ATP1A3: variants seen among roughly 807,000 people sequenced by gnomAD.
ATP1A3 encodes the protein sodium/potassium-transporting ATPase subunit alpha-3.
A neutral mutation model predicts 108.8 loss-of-function variants in ATP1A3; 12 were observed. The observed-to-expected ratio is 0.11, with a 90% CI of 0.07 to 0.18. The LOEUF (loss-of-function observed/expected upper bound fraction) is 0.18. Among genes scored for constraint, ATP1A3 ranks in the 10% least tolerant of loss-of-function variants. The pLI is 1.00. For missense variants in ATP1A3, 498 were observed against 1,387.7 expected (o/e 0.36, Z 10.19); for synonymous variants, 539 against 564.5 (o/e 0.95, Z 0.64).
chr19:41,982,400 C>T (rs1178564371), intron 8 of ATP1A3, among the ~76,000 whole-genome samples: 2 of 152,048 alleles, frequency 1.3e-5, no homozygotes, highest in Admixed American at 1.3e-4. Context: ...CCGAGGTAGG[C>T]GCATCACTTG....
At position 41,969,342 on chromosome 19, in the gene ATP1A3, G is replaced by T; in HGVS notation, c.2688+93C>A. ...CCTTGATGCTGCCATGGGAGACTGA[G>T]GGGGCCATCGTAGGAAGTGGCCATG... On this transcript the variant is annotated intron_variant, in intron 19 of 22. Transcript: ENST00000648268. 1.9e-6 allele frequency: 3 copies of T among 1,588,806 alleles called. No homozygotes were observed. The South Asian group carries it at 3.3e-5, about 18-fold the overall frequency.
chr19:41,988,114 T>C lies in ATP1A3; in HGVS notation c.179A>G (p.Glu60Gly). 1 of 1,614,088 alleles carries C rather than the reference T, an allele frequency of 6.2e-7. No individual in the cohort carries two copies. The highest frequency in any genetic ancestry group is 1.1e-5 in the South Asian group (1 of 91,072). The part of the protein sequence containing the change: ...VQGLTHSKAQ[E>G]ILARDGPNAL... ...GTTAGGCCCATCCCGGGCCAGGATCTCCTGGGCTTTGCTGTGGGTCAAACC... is the reference window on the plus strand; with the variant it reads ...GTTAGGCCCATCCCGGGCCAGGATCCCCTGGGCTTTGCTGTGGGTCAAACC... Residue 60 changes from glutamate to glycine, a missense_variant, in exon 4 of 23, where the codon GAG becomes GGG. By Grantham distance (98) the Glu-to-Gly change is moderately conservative (BLOSUM62 -2). Coordinates refer to ENST00000648268, the MANE Select transcript of ATP1A3 (RefSeq NM_152296.5). This position sits in a 1 kb window ranked among gnomAD's most constrained non-coding sequence, Gnocchi z 5.3.
At chr19:41,989,305 T>C (rs1269520133) in intron 1 of ATP1A3, among the ~76,000 whole-genome samples, 1 of 149,242 alleles carries the variant, frequency 6.7e-6, no homozygotes, top group East Asian at 2.0e-4. Context: ...CCAACCTTCC[T>C]ACATATCTGT....
Position 41,966,983 on chromosome 19 carries a change from G to A in ATP1A3, c.3014-18C>T. 6.4e-7 allele frequency: 1 copy of A among 1,551,600 alleles called. No individual in the cohort carries two copies. The highest frequency in any genetic ancestry group is 8.7e-7 in the Non-Finnish European group (1 of 1,146,984). On this transcript the variant is annotated intron_variant, in intron 22 of 22. Transcript: ENST00000648268. Reference sequence around the variant, plus strand: ...CACCCAACCTGGAGAGACAAAGAAGGAAAGAAAGAGACAGAGTAAGAGATG... The same window carrying A: ...CACCCAACCTGGAGAGACAAAGAAGAAAAGAAAGAGACAGAGTAAGAGATG...
rs140213068 is a variant in ATP1A3 at position 41,984,776 on chromosome 19, T to G, written c.993+142A>C. The G allele has an allele frequency of 5.0e-3, 3,199 of 639,182 alleles. 43 individuals are homozygous for G. Among genetic ancestry groups the G allele is most frequent in the African/African-American group, 0.047 (2,146 of 45,548 alleles). The allele number at this position is 639,182 out of a possible 1,614,324, so 39.6% of individuals were successfully genotyped here. A position where few individuals can be genotyped will look rare whatever the true frequency, so the allele number is the denominator to read the frequency against. On this transcript the variant is annotated intron_variant, in intron 8 of 22. Transcript: ENST00000648268. ...ACCCAGGGGTCCAGATCCCAGCCCC[T>G]CCTCCCCCAGACACACGGGTCCAGG...
chr19:41,987,903 G>A (rs1479688189), intron 4 of ATP1A3, 33 bp downstream of exon 4: 28 of 1,608,852 alleles, frequency 1.7e-5, no homozygotes, highest in Non-Finnish European at 2.3e-5. Context: ...TAAATGTGCA[G>A]AGCCTTGCAC....
Position 41,975,792 on chromosome 19 carries a change from T to G in ATP1A3, c.2100A>C (p.Ala700=). 1 of 1,613,962 alleles carries G rather than the reference T, an allele frequency of 6.2e-7. No homozygotes were observed. The highest frequency in any genetic ancestry group is 8.5e-7 in the Non-Finnish European group (1 of 1,179,920). Residue 700 remains alanine (A), a synonymous_variant, in exon 16 of 23, where the codon GCA becomes GCC. Transcript: ENST00000648268. ...CACCATCCCCGGTCACAGCCACAATTGCACCCTGGAGGGAGAGAGGGTAAG... is the reference window on the plus strand; with the variant it reads ...CACCATCCCCGGTCACAGCCACAATGGCACCCTGGAGGGAGAGAGGGTAAG... ...IIVEGCQRQG[A]IVAVTGDGVN... is the part of the protein sequence containing the mutation.
At position 41,985,513 on chromosome 19, in the gene ATP1A3, G is replaced by A. The variant is rs1436102315; in HGVS notation, c.607-90C>T. On this transcript the variant is annotated intron_variant, in intron 6 of 22. Transcript: ENST00000648268. This position sits in a 1 kb window ranked among gnomAD's most constrained non-coding sequence, Gnocchi z 8.2. ...CAGGGCTTGGGGCTGAAGCCTGTGTGCCTGGAGATCACAGCTAGAAGCCTG... is the reference window on the plus strand; with the variant it reads ...CAGGGCTTGGGGCTGAAGCCTGTGTACCTGGAGATCACAGCTAGAAGCCTG... 2 of 1,288,342 alleles carry A rather than the reference G, an allele frequency of 1.6e-6. No homozygotes were observed. The highest frequency in any genetic ancestry group is 3.4e-5 in the Admixed American group (2 of 58,798). The allele number at this position is 1,288,342 out of a possible 1,614,324, so 79.8% of individuals were successfully genotyped here.
At position 41,967,282 on chromosome 19, in the gene ATP1A3, T is replaced by C. The variant is rs1555858834; in HGVS notation, c.2980A>G (p.Ile994Val). 6.2e-7 allele frequency: 1 copy of C among 1,613,746 alleles called. No individual in the cohort carries two copies. Among genetic ancestry groups the C allele is most frequent in the East Asian group, 2.2e-5 (1 of 44,856 alleles). ...YSFLIFVYDE[I>V]RKLILRRNPG... is the part of the protein sequence containing the mutation. ...TTCCTGCGCAGGATGAGTTTGCGGA[T>C]TTCGTCGTAGACGAAGATGAGGAAA... The change falls in exon 22 of 23, where the codon ATC becomes GTC. Residue 994 changes from isoleucine (I) to valine (V), a missense_variant. By Grantham distance (29) the Ile-to-Val change is conservative. This residue lies in a region of ATP1A3 where 29 missense variants were observed against 41.0 expected (regional missense o/e 0.71). Transcript: ENST00000648268. The surrounding 1 kb of genome is among the most constrained non-coding windows in gnomAD (Gnocchi z 4.2).
intron 14 of ATP1A3, 63 bp from the exon 15 acceptor site, chr19:41,976,629 C>T: frequency 5.0e-6 from 8 of 1,606,632 alleles, no homozygotes; most frequent in Non-Finnish European, 5.9e-6. Context: ...AAAGTGATCC[C>T]TGAAAGACAG....
In ATP1A3 at chr19:41,993,480, G is replaced by A. The variant is rs1230353666; in HGVS notation, c.6+591C>T. The A allele has an allele frequency of 6.6e-6, 10 of 1,522,270 alleles. No individual in the cohort carries two copies. The East Asian group carries it at 1.2e-4, about 19-fold the overall frequency. The allele number at this position is 1,522,270 out of a possible 1,614,324, so 94.3% of individuals were successfully genotyped here. On this transcript the variant is annotated intron_variant, in intron 1 of 22. Transcript: ENST00000648268. Reference sequence around the variant, plus strand: ...TGCACACACACACACTGCAGCCCCAGGCTGCGACACTGCGGAGCCTGCACA... The same window carrying A: ...TGCACACACACACACTGCAGCCCCAAGCTGCGACACTGCGGAGCCTGCACA...
chr19:41,967,929 C>T lies in ATP1A3; in HGVS notation c.2820-166G>A, dbSNP rs542717567. 1.3e-5 allele frequency among the ~76,000 whole-genome samples: 2 copies of T among 151,570 alleles called. No homozygotes were observed. The highest frequency in any genetic ancestry group is 2.1e-4 in the South Asian group (1 of 4,784). On this transcript the variant is annotated intron_variant, in intron 20 of 22. Coordinates refer to ENST00000648268, the MANE Select transcript of ATP1A3 (RefSeq NM_152296.5). This position sits in a 1 kb window ranked among gnomAD's most constrained non-coding sequence, Gnocchi z 4.2. ...GAGACAGAGATGGGGAGACATGCCC[C>T]GACAGAGAGAGACAAAGATAGAGGC...
chr19:41,973,007 C>T (rs2075130185), intron 16 of ATP1A3, among the ~76,000 whole-genome samples: 1 of 152,192 alleles, frequency 6.6e-6, no homozygotes, highest in Non-Finnish European at 1.5e-5. Context: ...GGGCCGCTCC[C>T]ACCTGATATT....
chr19:41,974,471 C>T (rs1275986977), intron 16 of ATP1A3, among the ~76,000 whole-genome samples: 3 of 152,094 alleles, frequency 2.0e-5, no homozygotes, highest in African/African-American at 7.2e-5. Flanking sequence ...AAAGATGTCT[C>T]TTGGGAGATA....
Position 41,967,587 on chromosome 19 carries a change from G to A in ATP1A3, c.2921+75C>T, listed in dbSNP as rs2075057607. ...GACACCAGGGGAGGTGGGGCCTGAGGTTCAGGCTGAGTCTAAGGGAAGGCT... is the reference window on the plus strand; with the variant it reads ...GACACCAGGGGAGGTGGGGCCTGAGATTCAGGCTGAGTCTAAGGGAAGGCT... On this transcript the variant is annotated intron_variant, in intron 21 of 22. Transcript: ENST00000648268. The surrounding 1 kb of genome is among the most constrained non-coding windows in gnomAD (Gnocchi z 4.2). 1 of 1,494,634 alleles carries A rather than the reference G, an allele frequency of 6.7e-7. No homozygotes were observed. The highest frequency in any genetic ancestry group is 1.2e-5 in the South Asian group (1 of 86,398). The allele number at this position is 1,494,634 out of a possible 1,614,324, so 92.6% of individuals were successfully genotyped here. A position where few individuals can be genotyped will look rare whatever the true frequency, so the allele number is the denominator to read the frequency against.
Position 41,970,381 on chromosome 19 carries a change from G to C in ATP1A3, c.2418+7C>G. On this transcript the variant is annotated splice_region_variant and intron_variant, in intron 17 of 22. Coordinates refer to ENST00000648268, the MANE Select transcript of ATP1A3 (RefSeq NM_152296.5). ...CCTGGGCCCCAAGGGTGGCTGCCAG[G>C]GCTCACCATGTCAGTGCCCAGATCG... 6.2e-7 allele frequency: 1 copy of C among 1,614,252 alleles called. No homozygotes were observed. Among genetic ancestry groups the C allele is most frequent in the Non-Finnish European group, 8.5e-7 (1 of 1,180,046 alleles).
At chr19:41,984,064 T>G (rs1345451181) in intron 8 of ATP1A3, among the ~76,000 whole-genome samples, 1 of 151,964 alleles carries the variant, frequency 6.6e-6, no homozygotes, top group Non-Finnish European at 1.5e-5. Flanking sequence ...CATGAGCCAC[T>G]GCGCCCAGCC....
Position 41,968,148 on chromosome 19 carries a change from A to G in ATP1A3, c.2820-385T>C, listed in dbSNP as rs2075065332. Among the ~76,000 whole-genome samples, 1 of 152,116 alleles carries G rather than the reference A, an allele frequency of 6.6e-6. No homozygotes were observed. The highest frequency in any genetic ancestry group is 6.6e-5 in the Admixed American group (1 of 15,264). On this transcript the variant is annotated intron_variant, in intron 20 of 22. Transcript: ENST00000648268. The surrounding 1 kb of genome is among the most constrained non-coding windows in gnomAD (Gnocchi z 5.0). ...AAAAGAAAAGGCCAGGGGCACCTCC[A>G]CCACACACACAGAGGCTGAGAGAGA... is the stretch of plus-strand genomic sequence containing the variant.
chr19:41,992,340 G>A (rs1337012058), intron 1 of ATP1A3, among the ~76,000 whole-genome samples: 2 of 152,152 alleles, frequency 1.3e-5, no homozygotes, highest in Non-Finnish European at 2.9e-5. Flanking sequence ...CCAGATGGGC[G>A]CGCTGCGGGG....
Sources: allele counts gnomAD v4.1 joint callset (sites outside exome capture counted in the v4.1 genomes callset), GRCh38; gene constraint gnomAD v4.1.1; regional missense constraint gnomAD v4.1.1; non-coding constraint Gnocchi (gnomAD v3.1); transcripts MANE v1.5; gene names NCBI Gene and HGNC (gene_info 2026-07-23, HGNC 2026-07-21).